Variants in RAPGEF5 observed in about 807,000 individuals in gnomAD.
The protein encoded by RAPGEF5 is Rap guanine nucleotide exchange factor 5, also known as M-Ras-regulated GEF.
RAPGEF5 carries 65 observed loss-of-function variants against 125.2 expected under a neutral mutation model. The ratio of observed to expected loss-of-function variants is 0.52; its 90% CI spans 0.43 to 0.64. The LOEUF (loss-of-function observed/expected upper bound fraction) is 0.64. Ranked by LOEUF, RAPGEF5 falls within the 30% of genes least tolerant of loss-of-function variation. RAPGEF5 has a pLI of 0.00. For missense variants in RAPGEF5, 958 were observed against 1,048.1 expected (o/e 0.91, Z 1.19); for synonymous variants, 391 against 385.9 (o/e 1.01, Z -0.16).
At chr7:22,348,730 G>C (rs1181805506) in intron 1 of RAPGEF5, among the ~76,000 whole-genome samples, 1 of 152,208 alleles carries the variant, frequency 6.6e-6, no homozygotes, top group African/African-American at 2.4e-5. Flanking sequence ...CCAGAGGCCA[G>C]GAAGGGTAGT....
intron 6 of RAPGEF5, among the ~76,000 whole-genome samples, chr7:22,286,620 C>G (rs1782804147): frequency 6.6e-6 from 1 of 152,118 alleles, no homozygotes; most frequent in Non-Finnish European, 1.5e-5. Flanking sequence ...TGGATGCTTC[C>G]CAAGTACTTC....
chr7:22,193,920 A>C lies in RAPGEF5; in HGVS notation c.1110T>G (p.His370Gln). Residue 370 changes from histidine to glutamine, a missense_variant, in exon 10 of 26, where the codon CAT (histidine) becomes CAG (glutamine). Coordinates refer to ENST00000665637, the MANE Select transcript of RAPGEF5 (RefSeq NM_012294.5). Reference sequence around the variant, plus strand: ...GGCTGCAGGGAAACTCTCACCTCCAATGGCTCTCCGCACTCCCAGCTGTGG... The same window carrying C: ...GGCTGCAGGGAAACTCTCACCTCCACTGGCTCTCCGCACTCCCAGCTGTGG... ...PAPTAGSAES[H>Q]WRYVVVSGTP... 1 of 1,613,664 alleles carries C rather than the reference A, an allele frequency of 6.2e-7. No homozygotes were observed. The highest frequency in any genetic ancestry group is 8.5e-7 in the Non-Finnish European group (1 of 1,179,788).
chr7:22,151,662 C>T (rs1783634046), intron 17 of RAPGEF5, among the ~76,000 whole-genome samples: 1 of 152,014 alleles, frequency 6.6e-6, no homozygotes. Flanking sequence ...TGGAGTTTCA[C>T]CATGTTGTCT....
chr7:22,311,710 T>C (rs181729529), intron 3 of RAPGEF5, among the ~76,000 whole-genome samples: 1 of 152,334 alleles, frequency 6.6e-6, no homozygotes, highest in Admixed American at 6.5e-5. Flanking sequence ...CAGTCAAATA[T>C]ATGGATTTCT....
intron 9 of RAPGEF5, among the ~76,000 whole-genome samples, chr7:22,214,548 C>A (rs1429861701): frequency 1.3e-5 from 2 of 152,160 alleles, no homozygotes; most frequent in Non-Finnish European, 2.9e-5. Flanking sequence ...AGCTATATTC[C>A]TGGAAATAGG....
At chr7:22,284,132 T>C (rs1280605789) in intron 6 of RAPGEF5, among the ~76,000 whole-genome samples, 2 of 152,058 alleles carry the variant, frequency 1.3e-5, no homozygotes, top group African/African-American at 4.8e-5. Context: ...TTTGGGGATC[T>C]ATTACCAGGA....
rs143205901 is a variant in RAPGEF5 at position 22,212,845 on chromosome 7, G to C, written c.996+7021C>G. Reference sequence around the variant, plus strand: ...GGGTCTGGAGTGAGATATACCACTGGGGGAGGAGGGTGATGGCAAAACAAC... The same window carrying C: ...GGGTCTGGAGTGAGATATACCACTGCGGGAGGAGGGTGATGGCAAAACAAC... On this transcript the variant is annotated intron_variant, in intron 9 of 25. Coordinates refer to ENST00000665637, the MANE Select transcript of RAPGEF5 (RefSeq NM_012294.5). Among the ~76,000 whole-genome samples the C allele has an allele frequency of 2.7e-3, 405 of 152,242 alleles. 1 individual carries two copies. Among genetic ancestry groups the C allele is most frequent in the African/African-American group, 8.6e-3 (357 of 41,530 alleles).
intron 6 of RAPGEF5, among the ~76,000 whole-genome samples, chr7:22,271,945 A>G (rs1026453934): frequency 6.6e-6 from 1 of 152,180 alleles, no homozygotes; most frequent in Non-Finnish European, 1.5e-5. Context: ...GCAAACTCTG[A>G]GTGACAGAGA....
intron 6 of RAPGEF5, among the ~76,000 whole-genome samples, chr7:22,267,540 A>G (rs776909310): frequency 6.6e-6 from 1 of 152,190 alleles, no homozygotes; most frequent in Non-Finnish European, 1.5e-5. Flanking sequence ...CATAAAAGCA[A>G]GCATCATCAA....
At chr7:22,283,468 C>G (rs1166032218) in intron 6 of RAPGEF5, among the ~76,000 whole-genome samples, 1 of 152,146 alleles carries the variant, frequency 6.6e-6, no homozygotes, top group East Asian at 1.9e-4. Flanking sequence ...CCATACAAAG[C>G]TATAACACTG....
intron 9 of RAPGEF5, among the ~76,000 whole-genome samples, chr7:22,199,531 G>GA (rs35024654): frequency 0.02 from 1,235 of 62,876 alleles, 71 homozygotes; most frequent in South Asian, 0.048. Context: ...CCTTAAAATT[G>GA]AAAAAAAAAA....
In RAPGEF5 at chr7:22,331,744, C is replaced by CAAA. The variant is rs11406166; in HGVS notation, c.232-13710_232-13708dup. ...TGGGTGATAGAGCGAGACTCCATCT[C>CAAA]AAAAAAAAAAAAAAAAAGAAAAAAG... is the stretch of plus-strand genomic sequence containing the variant. On this transcript the variant is annotated intron_variant, in intron 1 of 25. Coordinates refer to ENST00000665637, the MANE Select transcript of RAPGEF5 (RefSeq NM_012294.5). Among the ~76,000 whole-genome samples, 233 of 94,750 alleles carry CAAA rather than the reference C, an allele frequency of 2.5e-3. 3 individuals are homozygous for CAAA. The highest frequency in any genetic ancestry group is 7.3e-3 in the South Asian group (18 of 2,456). The allele number at this position is 94,750 out of a possible 152,430, so 62.2% of individuals were successfully genotyped here. A position where few individuals can be genotyped will look rare whatever the true frequency, so the allele number is the denominator to read the frequency against.
intron 7 of RAPGEF5, among the ~76,000 whole-genome samples, chr7:22,258,624 CAAAAAAAAAAAAAAA>C (rs34352575): frequency 1.3e-4 from 6 of 45,810 alleles, no homozygotes; most frequent in African/African-American, 5.3e-4. Context: ...AACTCCGTCT[CAAAAAAAAAAAAAAA>C]AAAAAAAAAA....
At chr7:22,190,046 C>A (rs1321792592) in intron 11 of RAPGEF5, among the ~76,000 whole-genome samples, 2 of 152,148 alleles carry the variant, frequency 1.3e-5, no homozygotes, top group Non-Finnish European at 2.9e-5. Context: ...CTTTAGGAGG[C>A]CGAGGCAGGT....
chr7:22,186,945 T>C (rs779047332), intron 11 of RAPGEF5, among the ~76,000 whole-genome samples: 3 of 152,244 alleles, frequency 2.0e-5, no homozygotes, highest in Non-Finnish European at 2.9e-5. Context: ...AGAAATGTTA[T>C]GGCATAATTT....
chr7:22,179,994 T>C (rs1030448939), intron 11 of RAPGEF5, among the ~76,000 whole-genome samples: 9 of 152,216 alleles, frequency 5.9e-5, no homozygotes, highest in Non-Finnish European at 1.3e-4. Flanking sequence ...CTTTCGTTTC[T>C]CTACTTCTCT....
At chr7:22,215,917 A>C (rs538046289) in intron 9 of RAPGEF5, among the ~76,000 whole-genome samples, 1 of 152,346 alleles carries the variant, frequency 6.6e-6, no homozygotes, top group Non-Finnish European at 1.5e-5. Flanking sequence ...AACTGCAGGC[A>C]AACAAAGCAA....
chr7:22,307,113 A>T (rs1783360452), intron 5 of RAPGEF5, among the ~76,000 whole-genome samples: 1 of 152,022 alleles, frequency 6.6e-6, no homozygotes, highest in African/African-American at 2.4e-5. Context: ...TTTGGTTGGG[A>T]TTGCATTGAA....
intron 1 of RAPGEF5, chr7:22,356,616 TG>T (rs1259483747): frequency 2.8e-4 from 14 of 50,536 alleles, no homozygotes; most frequent in Admixed American, 6.8e-4. Context: ...TGCAGCCTGG[TG>T]GGGGGGAGGT....
Sources: gnomAD v4.1 joint callset for allele counts (sites outside exome capture counted in the v4.1 genomes callset) on GRCh38, gnomAD v4.1.1 for gene constraint, MANE v1.5 for transcripts, NCBI Gene and HGNC (gene_info 2026-07-23, HGNC 2026-07-21) for gene names.